RAD54L2: variants seen among roughly 807,000 people sequenced by gnomAD.
RAD54L2 encodes the protein RAD54 like 2.
A neutral mutation model predicts 138.4 loss-of-function variants in RAD54L2; 27 were observed. The ratio of observed to expected loss-of-function variants is 0.20; its 90% CI spans 0.14 to 0.27. The LOEUF (loss-of-function observed/expected upper bound fraction) is 0.27. Ranked by LOEUF, RAD54L2 falls within the 10% of genes least tolerant of loss-of-function variation. The pLI, the probability that RAD54L2 is intolerant of heterozygous loss-of-function variation, is 1.00. For missense variants in RAD54L2, 1,396 were observed against 1,890.2 expected (o/e 0.74, Z 4.85); for synonymous variants, 644 against 723.2 (o/e 0.89, Z 1.76).
At chr3:51,601,412 A>T (rs972434284) in intron 3 of RAD54L2, among the ~76,000 whole-genome samples, 2 of 151,438 alleles carry the variant, frequency 1.3e-5, no homozygotes, top group African/African-American at 4.9e-5. Flanking sequence ...GGTTCAAGGA[A>T]TTCTCCTGCC....
At chr3:51,654,935 C>T (rs1459182111) in intron 19 of RAD54L2, among the ~76,000 whole-genome samples, 1 of 152,122 alleles carries the variant, frequency 6.6e-6, no homozygotes, top group Non-Finnish European at 1.5e-5. Flanking sequence ...GGCTGGGTTT[C>T]TGTTACATTG....
chr3:51,588,404 G>T (rs1171918810), intron 2 of RAD54L2, among the ~76,000 whole-genome samples: 1 of 147,860 alleles, frequency 6.8e-6, no homozygotes, highest in African/African-American at 2.5e-5. Context: ...GTGTGGTGGT[G>T]CACACCTGTA....
At chr3:51,619,851 T>G (rs55872019) in intron 3 of RAD54L2, among the ~76,000 whole-genome samples, 10,351 of 152,216 alleles carry the variant, frequency 0.068, 912 homozygotes, top group East Asian at 0.33. Flanking sequence ...ATGGATCATA[T>G]TTTCCTGTTT....
intron 2 of RAD54L2, among the ~76,000 whole-genome samples, chr3:51,558,479 T>TC (rs1553674875): frequency 1.1e-5 from 1 of 90,924 alleles, no homozygotes. Flanking sequence ...CTCTCTCTCT[T>TC]TTTTGAGACA....
At chr3:51,540,649 TCAAGTG>T (rs143723082) in intron 1 of RAD54L2, among the ~76,000 whole-genome samples, 4,252 of 152,330 alleles carry the variant, frequency 0.028, 182 homozygotes, top group African/African-American at 0.095. Context: ...GTATAAACTT[TCAAGTG>T]CAATGTTAGG....
rs1701812380 is a variant in RAD54L2 at position 51,662,683 on chromosome 3, G to C, written c.3667G>C (p.Glu1223Gln). The C allele has an allele frequency of 1.2e-6, 2 of 1,613,864 alleles. No homozygotes were observed. Among genetic ancestry groups the C allele is most frequent in the Non-Finnish European group, 1.7e-6 (2 of 1,179,876 alleles). Residue 1223 changes from glutamate (E) to glutamine (Q), a missense_variant, in exon 23 of 23, where the codon GAG (glutamate) becomes CAG (glutamine). Physicochemically the swap from Glu to Gln is conservative, Grantham distance 29. Coordinates refer to ENST00000684192, the MANE Select transcript of RAD54L2 (RefSeq NM_015106.4). This position sits in a 1 kb window ranked among gnomAD's most constrained non-coding sequence, Gnocchi z 4.6. ...TGTTCCCGGGACAGCTCTCGGAACT[G>C]AGCCTCGACTAGGGGGTCATTGCCT... ...SAVPGTALGT[E>Q]PRLGGHCLNS...
At chr3:51,624,799 A>G (rs1700641040) in intron 3 of RAD54L2, among the ~76,000 whole-genome samples, 1 of 152,194 alleles carries the variant, frequency 6.6e-6, no homozygotes, top group Non-Finnish European at 1.5e-5. Flanking sequence ...ATCAACATGA[A>G]AGGGACCATA....
At chr3:51,601,259 G>A (rs911755797) in intron 3 of RAD54L2, among the ~76,000 whole-genome samples, 5 of 149,296 alleles carry the variant, frequency 3.3e-5, no homozygotes, top group African/African-American at 9.9e-5. Context: ...TGATCCACCC[G>A]CCTCAGCCTC....
intron 2 of RAD54L2, among the ~76,000 whole-genome samples, chr3:51,565,915 G>A (rs1288248080): frequency 7.4e-6 from 1 of 135,260 alleles, no homozygotes; most frequent in Non-Finnish European, 1.5e-5. Context: ...TGCAAGCTCT[G>A]CCTCCCGGGT....
At chr3:51,625,001 C>A (rs888930367) in intron 3 of RAD54L2, among the ~76,000 whole-genome samples, 3 of 152,148 alleles carry the variant, frequency 2.0e-5, no homozygotes, top group Non-Finnish European at 4.4e-5. Flanking sequence ...TAGGGAACAT[C>A]AGCTTACAGG....
intron 4 of RAD54L2, among the ~76,000 whole-genome samples, chr3:51,628,737 A>T (rs145960710): frequency 6.6e-6 from 1 of 150,788 alleles, no homozygotes; most frequent in African/African-American, 2.4e-5. Flanking sequence ...TTTTCTTGAG[A>T]TGAAGCCTCA....
intron 3 of RAD54L2, among the ~76,000 whole-genome samples, chr3:51,607,532 G>T (rs186484644): frequency 6.6e-6 from 1 of 152,120 alleles, no homozygotes; most frequent in Non-Finnish European, 1.5e-5. Flanking sequence ...ATAACAATCC[G>T]ATCTTTCTTT....
At chr3:51,602,437 C>G (rs990304598) in intron 3 of RAD54L2, among the ~76,000 whole-genome samples, 3 of 152,200 alleles carry the variant, frequency 2.0e-5, no homozygotes, top group Non-Finnish European at 2.9e-5. Context: ...CTCCAGCCCA[C>G]AGATCACCAT....
chr3:51,645,526 T>A lies in RAD54L2; in HGVS notation c.2657-65T>A. 6.9e-7 allele frequency: 1 copy of A among 1,441,802 alleles called. No individual in the cohort carries two copies. The highest frequency in any genetic ancestry group is 2.4e-5 in the East Asian group (1 of 41,804). 89.3% of individuals were successfully genotyped at this position (1,441,802 alleles called of 1,614,324 possible). On this transcript the variant is annotated intron_variant, in intron 17 of 22. Coordinates refer to ENST00000684192, the MANE Select transcript of RAD54L2 (RefSeq NM_015106.4). The surrounding 1 kb of genome is among the most constrained non-coding windows in gnomAD (Gnocchi z 6.1). ...CTTTCAGATATGGGATGACTTTTCA[T>A]TATTAGTGACCTTTACAGTTTTTAA...
At chr3:51,568,777 T>A (rs752759419) in intron 2 of RAD54L2, among the ~76,000 whole-genome samples, 4 of 152,148 alleles carry the variant, frequency 2.6e-5, no homozygotes, top group Non-Finnish European at 5.9e-5. Flanking sequence ...GGGAAGAAAA[T>A]GCATTGTAAA....
intron 2 of RAD54L2, among the ~76,000 whole-genome samples, chr3:51,570,141 T>A (rs1308706689): frequency 3.7e-5 from 5 of 133,648 alleles, no homozygotes; most frequent in Admixed American, 7.4e-5. Context: ...CCTTTTTAAT[T>A]TTTTTTTTTT....
chr3:51,594,950 C>T (rs182701755), intron 3 of RAD54L2, among the ~76,000 whole-genome samples: 2 of 129,256 alleles, frequency 1.5e-5, no homozygotes, highest in African/African-American at 2.8e-5. Context: ...CTGCAACCTT[C>T]ACCTCCCAGG....
At chr3:51,652,655 C>T (rs751636579) in intron 19 of RAD54L2, among the ~76,000 whole-genome samples, 18 of 152,150 alleles carry the variant, frequency 1.2e-4, no homozygotes, top group Admixed American at 8.5e-4. Flanking sequence ...TTTGACAAAC[C>T]TGAACAGAAA....
intron 2 of RAD54L2, among the ~76,000 whole-genome samples, chr3:51,561,978 C>A (rs1312968721): frequency 2.6e-5 from 4 of 151,852 alleles, no homozygotes; most frequent in Admixed American, 2.6e-4. Context: ...AAGCAATCCC[C>A]CCACCTCAGC....
Sources: gnomAD v4.1 joint callset for allele counts (sites outside exome capture counted in the v4.1 genomes callset) on GRCh38, gnomAD v4.1.1 for gene constraint, Gnocchi (gnomAD v3.1) non-coding constraint, MANE v1.5 for transcripts, NCBI Gene and HGNC (gene_info 2026-07-23, HGNC 2026-07-21) for gene names.